Variants in LRMDA observed in about 807,000 individuals in gnomAD.
The protein encoded by LRMDA is leucine-rich melanocyte differentiation-associated protein.
Under a neutral mutation model 29.8 loss-of-function variants are expected in LRMDA, and 18 were observed. The ratio of observed to expected loss-of-function variants is 0.60; its 90% confidence interval spans 0.42 to 0.90. The LOEUF (loss-of-function observed/expected upper bound fraction) is 0.90. Ranked by LOEUF, LRMDA falls within the 40% of genes least tolerant of loss-of-function variation. LRMDA has a pLI of 0.00. For missense variants in LRMDA, 273 were observed against 273.9 expected (o/e 1.00, Z 0.02); for synonymous variants, 125 against 109.4 (o/e 1.14, Z -0.89).
intron 6 of LRMDA, among the ~76,000 whole-genome samples, chr10:76,466,070 A>G (rs1201252386): frequency 6.6e-6 from 1 of 152,212 alleles, no homozygotes; most frequent in Non-Finnish European, 1.5e-5. Flanking sequence ...CCTGTAACAA[A>G]CAGATATAGG....
At chr10:75,584,565 C>A (rs1840634832) in intron 2 of LRMDA, among the ~76,000 whole-genome samples, 1 of 152,094 alleles carries the variant, frequency 6.6e-6, no homozygotes, top group South Asian at 2.1e-4. Flanking sequence ...ATGCAGAAAT[C>A]ATTCAGAGAA....
chr10:75,580,021 A>T (rs1199663503), intron 2 of LRMDA, among the ~76,000 whole-genome samples: 2 of 152,342 alleles, frequency 1.3e-5, no homozygotes, highest in African/African-American at 4.8e-5. Flanking sequence ...CAGGGCAAAG[A>T]TGCCGTCTCT....
chr10:76,222,634 A>C (rs1445937716), intron 5 of LRMDA, among the ~76,000 whole-genome samples: 2 of 152,286 alleles, frequency 1.3e-5, no homozygotes, highest in East Asian at 3.9e-4. Flanking sequence ...GCTAGAGAGG[A>C]TGTGGAGAAA....
At chr10:75,622,075 G>T (rs987452149) in intron 2 of LRMDA, among the ~76,000 whole-genome samples, 51 of 152,184 alleles carry the variant, frequency 3.4e-4, no homozygotes, top group African/African-American at 1.2e-3. Flanking sequence ...CTACAGCTCA[G>T]GCGCAATTCA....
At chr10:76,379,161 TTGTGTGTGTGTG>T (rs57245101) in intron 6 of LRMDA, among the ~76,000 whole-genome samples, 62 of 137,932 alleles carry the variant, frequency 4.5e-4, no homozygotes, top group Non-Finnish European at 7.2e-4. Context: ...CTGGCCTTCT[TTGTGTGTGTGTG>T]TGTGTGTGTG....
rs535206883 is a variant in LRMDA, at chr10:76,421,789, T to G, written c.601+97304T>G. On this transcript the variant is annotated intron_variant, in intron 6 of 6. Coordinates refer to ENST00000611255, the MANE Select transcript of LRMDA (RefSeq NM_001305581.2). Reference sequence around the variant, plus strand: ...TCCATTTCTTTTGTAGCTTGTTATCTCTTATTGATTGATGGTTTGGATCTT... The same window carrying G: ...TCCATTTCTTTTGTAGCTTGTTATCGCTTATTGATTGATGGTTTGGATCTT... Among the ~76,000 whole-genome samples the G allele has an allele frequency of 3.2e-4, 49 of 152,348 alleles. No homozygotes were observed. The East Asian group carries it at 7.7e-3, about 24-fold the overall frequency.
At chr10:75,440,221 A>C (rs1844311943) in intron 2 of LRMDA, among the ~76,000 whole-genome samples, 1 of 146,088 alleles carries the variant, frequency 6.8e-6, no homozygotes. Flanking sequence ...AGGAAATGAC[A>C]CATACTAGAT....
intron 2 of LRMDA, among the ~76,000 whole-genome samples, chr10:75,808,038 C>G (rs1843889191): frequency 6.6e-6 from 1 of 152,146 alleles, no homozygotes. Flanking sequence ...AAAGGGCATT[C>G]TTCTTATTTT....
At chr10:76,346,506 T>C (rs1841110101) in intron 6 of LRMDA, 1 of 152,180 alleles carries the variant, frequency 6.6e-6, no homozygotes, top group African/African-American at 2.4e-5. Flanking sequence ...GACATTCACA[T>C]GAATCAAATA....
At chr10:76,493,801 G>T (rs890189642) in intron 6 of LRMDA, among the ~76,000 whole-genome samples, 4 of 151,974 alleles carry the variant, frequency 2.6e-5, no homozygotes, top group African/African-American at 9.7e-5. Context: ...GATTGGGATT[G>T]TCTTAAATCT....
At chr10:75,782,086 TA>T (rs750489696) in intron 2 of LRMDA, among the ~76,000 whole-genome samples, 1 of 152,226 alleles carries the variant, frequency 6.6e-6, no homozygotes, top group Non-Finnish European at 1.5e-5. Flanking sequence ...CGGCAAGATT[TA>T]AAAGGAATTG....
chr10:75,750,275 C>T (rs1018242687), intron 2 of LRMDA, among the ~76,000 whole-genome samples: 29 of 150,964 alleles, frequency 1.9e-4, no homozygotes, highest in African/African-American at 5.6e-4. Flanking sequence ...CCCTCCCCGC[C>T]GGGGCGGCTG....
intron 5 of LRMDA, among the ~76,000 whole-genome samples, chr10:76,139,001 T>C (rs1850148898): frequency 6.6e-6 from 1 of 152,168 alleles, no homozygotes. Context: ...ATCTTTCCAG[T>C]GCCCTTTAGT....
At chr10:75,902,242 G>T (rs1845687306) in intron 2 of LRMDA, among the ~76,000 whole-genome samples, 1 of 152,216 alleles carries the variant, frequency 6.6e-6, no homozygotes, top group South Asian at 2.1e-4. Flanking sequence ...ACCCAGGGAA[G>T]AGGTCATTGC....
chr10:76,242,630 C>T (rs1477516782), intron 5 of LRMDA, among the ~76,000 whole-genome samples: 1 of 152,138 alleles, frequency 6.6e-6, no homozygotes, highest in East Asian at 1.9e-4. Context: ...AGAAAGATAC[C>T]AGCCATATTG....
intron 6 of LRMDA, among the ~76,000 whole-genome samples, chr10:76,551,648 G>C (rs1249909314): frequency 6.6e-6 from 1 of 152,118 alleles, no homozygotes; most frequent in Non-Finnish European, 1.5e-5. Flanking sequence ...AGGTTTATTG[G>C]GATGTAGCTC....
intron 5 of LRMDA, among the ~76,000 whole-genome samples, chr10:76,211,581 A>G (rs1450533777): frequency 3.9e-5 from 6 of 152,218 alleles, no homozygotes; most frequent in Non-Finnish European, 7.3e-5. Flanking sequence ...TTTTTACTTT[A>G]TAGTTTGCTG....
At chr10:75,513,526 AAAC>A (rs1845252219) in intron 2 of LRMDA, among the ~76,000 whole-genome samples, 2 of 152,326 alleles carry the variant, frequency 1.3e-5, no homozygotes, top group South Asian at 4.1e-4. Context: ...AGTGGCTTAA[AAAC>A]AATGCACAAT....
chr10:75,680,891 A>T (rs1842015190), intron 2 of LRMDA, among the ~76,000 whole-genome samples: 1 of 152,122 alleles, frequency 6.6e-6, no homozygotes, highest in South Asian at 2.1e-4. Context: ...TTCAGGTGTA[A>T]CTTAGTCATA....
Sources: gnomAD v4.1 joint callset for allele counts (sites outside exome capture counted in the v4.1 genomes callset) on GRCh38, gnomAD v4.1.1 for gene constraint, MANE v1.5 for transcripts, NCBI Gene and HGNC (gene_info 2026-07-23, HGNC 2026-07-21) for gene names.